Variants in TYW1 observed in about 807,000 individuals in gnomAD.
TYW1 encodes the protein S-adenosyl-L-methionine-dependent tRNA 4-demethylwyosine synthase TYW1.
A neutral mutation model predicts 96.2 loss-of-function variants in TYW1; 46 were observed. The ratio of observed to expected loss-of-function variants is 0.48; its 90% CI spans 0.38 to 0.61. The LOEUF is 0.61. TYW1 is among the 20% of genes least tolerant of loss of function. The pLI, the probability that TYW1 is intolerant of heterozygous loss-of-function variation, is 0.00. For synonymous variants in TYW1, 274 were observed against 323.0 expected (o/e 0.85, Z 1.63); for missense variants, 684 against 909.6 (o/e 0.75, Z 3.19).
chr7:67,089,297 G>A (rs945828621), intron 11 of TYW1: 3 of 1,391,726 alleles, frequency 2.2e-6, no homozygotes, highest in African/African-American at 2.9e-5. Flanking sequence ...GTCCCCTCGG[G>A]ACCCAGGCTC....
intron 4 of TYW1, among the ~76,000 whole-genome samples, chr7:67,010,637 G>A (rs1036959855): frequency 1.3e-5 from 2 of 151,936 alleles, no homozygotes; most frequent in African/African-American, 2.4e-5. Context: ...CGCCACACCC[G>A]ACAAATTTTT....
At chr7:67,209,537 G>A (rs1406019696) in intron 15 of TYW1, among the ~76,000 whole-genome samples, 1 of 152,060 alleles carries the variant, frequency 6.6e-6, no homozygotes, top group East Asian at 1.9e-4. Flanking sequence ...CCACATAGCA[G>A]TGTTTCAAAA....
chr7:67,217,128 G>T (rs1414165294), intron 15 of TYW1, among the ~76,000 whole-genome samples: 1 of 151,500 alleles, frequency 6.6e-6, no homozygotes, highest in African/African-American at 2.4e-5. Flanking sequence ...TGTTGTTGTT[G>T]TTGAGTTTTA....
At chr7:67,056,004 A>G in intron 9 of TYW1, 117 bp downstream of exon 9, 1 of 779,252 alleles carries the variant, frequency 1.3e-6, no homozygotes, top group Non-Finnish European at 1.9e-6. Context: ...ATTTGCACAG[A>G]TTTTTAAATG....
At chr7:67,001,517 G>A (rs1793388391) in intron 3 of TYW1, among the ~76,000 whole-genome samples, 1 of 151,600 alleles carries the variant, frequency 6.6e-6, no homozygotes, top group South Asian at 2.1e-4. Flanking sequence ...TGCTTCCCGG[G>A]TTCAAGCGAT....
intron 9 of TYW1, among the ~76,000 whole-genome samples, chr7:67,059,919 T>A (rs1357671997): frequency 6.7e-6 from 1 of 148,488 alleles, no homozygotes; most frequent in Non-Finnish European, 1.5e-5. Context: ...ATTACAGGTA[T>A]GCATCACCAC....
At chr7:67,078,610 A>G (rs1381622968) in intron 10 of TYW1, among the ~76,000 whole-genome samples, 1 of 151,902 alleles carries the variant, frequency 6.6e-6, no homozygotes, top group Non-Finnish European at 1.5e-5. Flanking sequence ...TATTCTTCCA[A>G]CCCATGGAGA....
At chr7:67,112,194 G>C (rs1473024599) in intron 12 of TYW1, among the ~76,000 whole-genome samples, 2 of 150,970 alleles carry the variant, frequency 1.3e-5, no homozygotes, top group African/African-American at 4.9e-5. Context: ...TACCCCTTGT[G>C]CCCAAAAGTG....
At chr7:67,157,912 G>C (rs1452581434) in intron 13 of TYW1, among the ~76,000 whole-genome samples, 2 of 152,086 alleles carry the variant, frequency 1.3e-5, no homozygotes, top group Non-Finnish European at 2.9e-5. Flanking sequence ...TATATATTAA[G>C]GCTCATTCTT....
intron 13 of TYW1, among the ~76,000 whole-genome samples, chr7:67,176,237 A>G (rs1470679940): frequency 6.6e-6 from 1 of 152,352 alleles, no homozygotes; most frequent in South Asian, 2.1e-4. Context: ...ATTGAAAACT[A>G]TAAAATATTA....
chr7:67,121,669 T>C (rs1797765013), intron 13 of TYW1, among the ~76,000 whole-genome samples: 1 of 151,060 alleles, frequency 6.6e-6, no homozygotes, highest in Non-Finnish European at 1.5e-5. Flanking sequence ...ATTAGACTTT[T>C]ACTATGCCTG....
At chr7:67,019,792 A>G (rs1168090100) in intron 6 of TYW1, among the ~76,000 whole-genome samples, 3 of 152,302 alleles carry the variant, frequency 2.0e-5, no homozygotes, top group African/African-American at 7.2e-5. Flanking sequence ...AAGTTGTTGG[A>G]CAGAAATTCT....
chr7:67,192,334 C>A (rs2116334037), intron 14 of TYW1, among the ~76,000 whole-genome samples: 1 of 152,306 alleles, frequency 6.6e-6, no homozygotes, highest in African/African-American at 2.4e-5. Flanking sequence ...CAAACTAAAT[C>A]TCCCCTCAGT....
chr7:67,062,552 G>A (rs1795725830), intron 9 of TYW1, among the ~76,000 whole-genome samples: 1 of 106,968 alleles, frequency 9.3e-6, no homozygotes, highest in Non-Finnish European at 1.9e-5. Context: ...GGGTGACAGA[G>A]CGAGACTCCG....
intron 14 of TYW1, among the ~76,000 whole-genome samples, chr7:67,193,852 T>G (rs1468044927): frequency 2.7e-5 from 4 of 148,816 alleles, no homozygotes; most frequent in Middle Eastern, 3.5e-3. Flanking sequence ...TTGTGTGTGT[T>G]TGTGTGTGTG....
intron 15 of TYW1, 138 bp downstream of exon 15, chr7:67,195,475 A>C: frequency 7.6e-7 from 1 of 1,323,666 alleles, no homozygotes; most frequent in East Asian, 2.5e-5. Context: ...AAAATAAGAG[A>C]GCACTAAATT....
At chr7:67,023,867 T>G (rs1430214099) in intron 6 of TYW1, among the ~76,000 whole-genome samples, 1 of 152,342 alleles carries the variant, frequency 6.6e-6, no homozygotes. Context: ...GGCTGCCACG[T>G]ATTAGCTGTG....
chr7:67,146,821 A>G (rs565495961), intron 13 of TYW1, among the ~76,000 whole-genome samples: 1 of 152,352 alleles, frequency 6.6e-6, no homozygotes, highest in Admixed American at 6.5e-5. Context: ...GTGGCTTCAC[A>G]GTGTCATCAG....
intron 14 of TYW1, among the ~76,000 whole-genome samples, chr7:67,190,650 C>T (rs1057039870): frequency 2.0e-5 from 3 of 152,214 alleles, no homozygotes; most frequent in African/African-American, 7.2e-5. Flanking sequence ...GCTGATGGTC[C>T]ATTGTTAGCG....
Sources: gnomAD v4.1 joint callset for allele counts (sites outside exome capture counted in the v4.1 genomes callset) on GRCh38, gnomAD v4.1.1 for gene constraint, MANE v1.5 for transcripts, NCBI Gene and HGNC (gene_info 2026-07-23, HGNC 2026-07-21) for gene names.